IL1RL2: variants seen among roughly 807,000 people sequenced by gnomAD.
IL1RL2 encodes interleukin-1 receptor-like 2.
In IL1RL2, 68 loss-of-function variants were observed where a neutral mutation model predicts 66.8. The ratio of observed to expected loss-of-function variants is 1.02; its 90% CI spans 0.84 to 1.25. The LOEUF (loss-of-function observed/expected upper bound fraction) is 1.25, where lower values mean the gene tolerates loss of function less well. Ranked by LOEUF, IL1RL2 falls within the 50% of genes most tolerant of loss-of-function variation. The probability of loss-of-function intolerance (pLI) is 0.00; values close to 1 mark genes in which losing one functional copy is unlikely to be tolerated. For synonymous variants in IL1RL2, 305 were observed against 264.6 expected (o/e 1.15, Z -1.48); for missense variants, 729 against 709.3 (o/e 1.03, Z -0.32).
intron 9 of IL1RL2, among the ~76,000 whole-genome samples, chr2:102,226,653 GGAAA>G (rs1417839749): frequency 1.3e-5 from 2 of 151,812 alleles, no homozygotes; most frequent in African/African-American, 2.4e-5. Context: ...CAGGGAGGGA[GGAAA>G]GAAAGAGAGA....
intron 1 of IL1RL2, chr2:102,187,408 C>T (rs1686775055): frequency 1.1e-5 from 12 of 1,126,480 alleles, no homozygotes; most frequent in Non-Finnish European, 1.3e-5. Flanking sequence ...CCGCCAGGCT[C>T]GGGTGGATCC....
At chr2:102,196,673 T>C (rs1687812139) in intron 4 of IL1RL2, among the ~76,000 whole-genome samples, 1 of 152,182 alleles carries the variant, frequency 6.6e-6, no homozygotes, top group Non-Finnish European at 1.5e-5. Flanking sequence ...AAAAGGTGAC[T>C]TTGAACTGTG....
Position 102,232,980 on chromosome 2 carries a change from G to T in IL1RL2, c.1153G>T (p.Ala385Ser). The part of the protein sequence containing the change: ...ETIVDGKLYD[A>S]YVLYPKPHKE... ...CTTTTCAGATGGGAAGCTGTATGAC[G>T]CCTATGTCTTATACCCCAAGCCCCA... The change falls in exon 10 of 12, where the codon GCC (alanine) becomes TCC (serine). Residue 385 changes from alanine (A) to serine (S), a missense_variant. Physicochemically the swap from Ala to Ser is moderately conservative, Grantham distance 99. Coordinates refer to ENST00000264257, the MANE Select transcript of IL1RL2 (RefSeq NM_003854.4). 1.2e-6 allele frequency: 2 copies of T among 1,613,308 alleles called. No individual in the cohort carries two copies. The highest frequency in any genetic ancestry group is 1.7e-6 in the Non-Finnish European group (2 of 1,179,408).
At position 102,189,299 on chromosome 2, in the gene IL1RL2, A is replaced by G; in HGVS notation, c.282A>G (p.Gln94=). The G allele has an allele frequency of 1.2e-6, 2 of 1,602,514 alleles. No homozygotes were observed. The highest frequency in any genetic ancestry group is 2.7e-5 in the African/African-American group (2 of 74,804). The part of the protein sequence containing the change: ...PMEWGDSGVY[Q]CVIKGRDSCH... ...AATGGGGGGACTCAGGAGTCTACCA[A>G]TGTGTTATAAAGTAAGTTCCTAATT... is the stretch of plus-strand genomic sequence containing the variant. Residue 94 remains glutamine, a synonymous_variant, in exon 3 of 12, where the codon CAA becomes CAG. Coordinates refer to ENST00000264257, the MANE Select transcript of IL1RL2 (RefSeq NM_003854.4).
intron 5 of IL1RL2, among the ~76,000 whole-genome samples, chr2:102,204,424 A>C (rs940388919): frequency 6.6e-6 from 1 of 152,042 alleles, no homozygotes; most frequent in Non-Finnish European, 1.5e-5. Flanking sequence ...AGATAAAGTC[A>C]GATGTTTCTT....
intron 4 of IL1RL2, among the ~76,000 whole-genome samples, chr2:102,194,035 A>C (rs1161925015): frequency 1.3e-5 from 2 of 152,180 alleles, no homozygotes; most frequent in Non-Finnish European, 2.9e-5. Flanking sequence ...ATTATCAGAA[A>C]GTGAACATAC....
intron 4 of IL1RL2, among the ~76,000 whole-genome samples, chr2:102,192,719 A>C (rs181526049): frequency 2.0e-5 from 3 of 152,264 alleles, no homozygotes; most frequent in East Asian, 1.9e-4. Flanking sequence ...AACTCTTGGC[A>C]TGGAGGAGCA....
At chr2:102,241,089 A>G (rs974079438), downstream of IL1RL2, among the ~76,000 whole-genome samples, 5 of 152,226 alleles carry the variant, frequency 3.3e-5, no homozygotes, top group African/African-American at 1.2e-4. Context: ...GGCGGCCAGA[A>G]TGGAGACTTA....
intron 6 of IL1RL2, among the ~76,000 whole-genome samples, chr2:102,216,987 T>G (rs1209358703): frequency 6.6e-6 from 1 of 152,132 alleles, no homozygotes; most frequent in Admixed American, 6.5e-5. Context: ...ATTACTAGAG[T>G]CTTGAAAGAT....
intron 4 of IL1RL2, among the ~76,000 whole-genome samples, chr2:102,192,363 A>C (rs2104714094): frequency 6.6e-6 from 1 of 152,122 alleles, no homozygotes; most frequent in South Asian, 2.1e-4. Context: ...AGTTATTCTT[A>C]TTTTTCAGGC....
intron 4 of IL1RL2, among the ~76,000 whole-genome samples, chr2:102,195,506 G>A (rs1218929599): frequency 2.0e-5 from 3 of 151,408 alleles, no homozygotes; most frequent in Non-Finnish European, 4.4e-5. Flanking sequence ...GTCTTTGTGT[G>A]TAGATCTGTT....
intron 9 of IL1RL2, 39 bp from the exon 10 acceptor site, chr2:102,232,924 G>A: frequency 6.3e-7 from 1 of 1,583,828 alleles, no homozygotes. Flanking sequence ...AGAGAATTTG[G>A]TAGCAACAAT....
chr2:102,235,813 A>G (rs1674828494), intron 11 of IL1RL2: 1 of 985,294 alleles, frequency 1.0e-6, no homozygotes, highest in African/African-American at 1.7e-5. Context: ...AGTGCAGACA[A>G]AGAGCTGCAA....
intron 1 of IL1RL2, 26 bp from the exon 2 acceptor site, chr2:102,187,830 C>A: frequency 6.3e-7 from 1 of 1,595,736 alleles, no homozygotes; most frequent in Non-Finnish European, 8.6e-7. Context: ...GTCCTCCCCT[C>A]CCACCCTCTT....
At position 102,235,271 on chromosome 2, in the gene IL1RL2, A is replaced by G. The variant is rs1674778503; in HGVS notation, c.1672A>G (p.Thr558Ala). 1.2e-6 allele frequency: 2 copies of G among 1,612,332 alleles called. No individual in the cohort carries two copies. The highest frequency in any genetic ancestry group is 1.7e-6 in the Non-Finnish European group (2 of 1,179,164). The change falls in exon 11 of 12, where the codon ACC (threonine) becomes GCC (alanine). Residue 558 changes from threonine (T) to alanine (A), a missense_variant. Physicochemically the swap from Thr to Ala is moderately conservative, Grantham distance 58 (BLOSUM62 0). Transcript: ENST00000264257. ...QLLQHTPCYR[T>A]AGPELGSRRK... ...GCTGCAGCACACACCTTGCTACCGC[A>G]CCGCAGGTGAGCGGGTGGGAGGACA...
At chr2:102,201,449 GC>G (rs1250917874) in intron 4 of IL1RL2, 106 bp from the exon 5 acceptor site, 1 of 955,370 alleles carries the variant, frequency 1.0e-6, no homozygotes, top group Non-Finnish European at 1.6e-6. Flanking sequence ...TACCTAGCTA[GC>G]TAGCTATCTG....
chr2:102,206,667 C>G (rs965140794), intron 5 of IL1RL2, among the ~76,000 whole-genome samples: 2 of 152,230 alleles, frequency 1.3e-5, no homozygotes, highest in African/African-American at 2.4e-5. Flanking sequence ...ACTAGGACTG[C>G]TGGGTCAGAC....
intron 9 of IL1RL2, 98 bp from the exon 10 acceptor site, chr2:102,232,865 G>A: frequency 7.1e-7 from 1 of 1,409,534 alleles, no homozygotes; most frequent in Non-Finnish European, 9.7e-7. Flanking sequence ...ATGGAACCCA[G>A]GCCAAAGGAC....
intron 6 of IL1RL2, among the ~76,000 whole-genome samples, chr2:102,214,194 A>G (rs574800249): frequency 6.6e-6 from 1 of 152,308 alleles, no homozygotes; most frequent in South Asian, 2.1e-4. Context: ...CAATGTATTT[A>G]GACAATTAAA....
Sources: gnomAD v4.1 joint callset for allele counts (sites outside exome capture counted in the v4.1 genomes callset) on GRCh38, gnomAD v4.1.1 for gene constraint, MANE v1.5 for transcripts, NCBI Gene and HGNC (gene_info 2026-07-23, HGNC 2026-07-21) for gene names.